The following PTPN13 variants were observed in gnomAD, a reference collection of about 807,000 sequenced individuals.
PTPN13 encodes the protein protein tyrosine phosphatase non-receptor type 13, also known as tyrosine-protein phosphatase non-receptor type 13.
A neutral mutation model predicts 284.0 loss-of-function variants in PTPN13; 191 were observed. The observed-to-expected ratio is 0.67, with a 90% CI of 0.60 to 0.76. PTPN13 has a LOEUF of 0.76. Among genes scored for constraint, PTPN13 ranks in the 30% least tolerant of loss-of-function variants. The probability of loss-of-function intolerance (pLI) is 0.00; values close to 1 mark genes in which losing one functional copy is unlikely to be tolerated. For synonymous variants in PTPN13, 986 were observed against 1,022.3 expected (o/e 0.96, Z 0.68); for missense variants, 2,797 against 2,939.9 (o/e 0.95, Z 1.12).
At chr4:86,666,313 T>TCAAGA (rs1727069625) in intron 2 of PTPN13, among the ~76,000 whole-genome samples, 3 of 150,898 alleles carry the variant, frequency 2.0e-5, no homozygotes, top group African/African-American at 7.3e-5. Context: ...TAGACTTGCA[T>TCAAGA]TAAGGACAGG....
rs376243918 is a variant in PTPN13, at chr4:86,784,516, A to G, written c.6076A>G (p.Thr2026Ala). The G allele has an allele frequency of 1.1e-5, 17 of 1,609,084 alleles. No individual in the cohort carries two copies. In the East Asian group the frequency reaches 1.1e-4, roughly 11 times the overall value. The change falls in exon 38 of 48, where the codon ACT becomes GCT. Residue 2026 changes from threonine to alanine, a missense_variant. By Grantham distance (58) the Thr-to-Ala change is moderately conservative (BLOSUM62 0). Coordinates refer to ENST00000411767, the MANE Select transcript of PTPN13 (RefSeq NM_080683.3). Reference sequence around the variant, plus strand: ...ATCGTACCCCAAAGGAAAATGTTCTACTTATCAGATAAAGGGATCACCAAA... The same window carrying G: ...ATCGTACCCCAAAGGAAAATGTTCTGCTTATCAGATAAAGGGATCACCAAA... The part of the protein sequence containing the change: ...EISYPKGKCS[T>A]YQIKGSPNLT...
chr4:86,721,384 G>A (rs1401453347), intron 9 of PTPN13, among the ~76,000 whole-genome samples: 1 of 152,040 alleles, frequency 6.6e-6, no homozygotes, highest in Non-Finnish European at 1.5e-5. Context: ...AGATACTGGA[G>A]ATAGAGTTGT....
chr4:86,807,276 C>G (rs1744758557), intron 44 of PTPN13, among the ~76,000 whole-genome samples: 1 of 151,772 alleles, frequency 6.6e-6, no homozygotes, highest in Admixed American at 6.6e-5. Flanking sequence ...CATTTATTAA[C>G]TTACTAATTT....
At chr4:86,811,535 G>A (rs1037560749) in intron 47 of PTPN13, among the ~76,000 whole-genome samples, 1 of 152,204 alleles carries the variant, frequency 6.6e-6, no homozygotes, top group Admixed American at 6.5e-5. Context: ...AGGCAGGCTG[G>A]AGTTGCTTAG....
At position 86,750,488 on chromosome 4, in the gene PTPN13, G is replaced by A; in HGVS notation, c.2669G>A (p.Ser890Asn). ...AQDIERASFR[S>N]LNLQAESVRG... is the part of the protein sequence containing the mutation. ...CTTGTAGAGAGAGCTTCGTTTAGGA[G>A]CCTGAATCTCCAAGCAGAGTCTGTT... Residue 890 changes from serine to asparagine, a missense_variant, in exon 18 of 48, where the codon AGC becomes AAC. Coordinates refer to ENST00000411767, the MANE Select transcript of PTPN13 (RefSeq NM_080683.3). The A allele has an allele frequency of 6.2e-7, 1 of 1,613,144 alleles. No individual in the cohort carries two copies. Among genetic ancestry groups the A allele is most frequent in the Non-Finnish European group, 8.5e-7 (1 of 1,179,502 alleles).
At chr4:86,717,001 A>AT (rs768941238) in intron 8 of PTPN13, 23 bp from the exon 9 acceptor site, 125 of 1,537,500 alleles carry the variant, frequency 8.1e-5, no homozygotes, top group Admixed American at 2.2e-4. Context: ...CTGTGCCATT[A>AT]TTTCTTTTTC....
At chr4:86,647,386 G>T (rs940278743) in intron 2 of PTPN13, among the ~76,000 whole-genome samples, 13 of 151,544 alleles carry the variant, frequency 8.6e-5, no homozygotes, top group African/African-American at 3.1e-4. Context: ...TGACTTTTTT[G>T]AGCCAAATGT....
At chr4:86,728,698 A>G (rs959244374) in intron 10 of PTPN13, among the ~76,000 whole-genome samples, 1 of 51,562 alleles carries the variant, frequency 1.9e-5, no homozygotes, top group African/African-American at 7.6e-5. Flanking sequence ...TGCTTGGTAG[A>G]TCTTCCTATG....
At chr4:86,796,452 T>C (rs1371684056) in intron 40 of PTPN13, among the ~76,000 whole-genome samples, 1 of 151,920 alleles carries the variant, frequency 6.6e-6, no homozygotes, top group Non-Finnish European at 1.5e-5. Flanking sequence ...CTGGGCAACA[T>C]AGTGAGATCC....
chr4:86,814,110 G>A (rs913893546), intron 47 of PTPN13, among the ~76,000 whole-genome samples: 1 of 147,032 alleles, frequency 6.8e-6, no homozygotes, highest in African/African-American at 2.5e-5. Flanking sequence ...TGTGTCAAGC[G>A]ATTCTCCTGC....
At chr4:86,649,870 C>A (rs976322853) in intron 2 of PTPN13, among the ~76,000 whole-genome samples, 2 of 152,174 alleles carry the variant, frequency 1.3e-5, no homozygotes, top group African/African-American at 4.8e-5. Context: ...TACAGACATG[C>A]ATCATGCTTG....
chr4:86,680,559 G>A (rs17419783), intron 3 of PTPN13, among the ~76,000 whole-genome samples: 4,905 of 152,040 alleles, frequency 0.032, 146 homozygotes, highest in Non-Finnish European at 0.05. Flanking sequence ...TCTTCTCTCG[G>A]ACTTTTGTCA....
chr4:86,745,547 C>T (rs1282275556), intron 17 of PTPN13, among the ~76,000 whole-genome samples: 5 of 151,990 alleles, frequency 3.3e-5, no homozygotes, highest in African/African-American at 1.2e-4. Flanking sequence ...GAGGCTGAGG[C>T]GGGTGGATCA....
At chr4:86,799,993 A>G (rs1743830136) in intron 42 of PTPN13, among the ~76,000 whole-genome samples, 1 of 151,604 alleles carries the variant, frequency 6.6e-6, no homozygotes, top group Admixed American at 6.6e-5. Flanking sequence ...GTGCGCCACC[A>G]TGCCTGGCTA....
At chr4:86,625,188 C>G (rs1384798619) in intron 1 of PTPN13, among the ~76,000 whole-genome samples, 1 of 152,112 alleles carries the variant, frequency 6.6e-6, no homozygotes, top group East Asian at 1.9e-4. Flanking sequence ...TATCTTGGAA[C>G]TTTCATGATC....
rs1257999558 is a variant in PTPN13 at position 86,750,328 on chromosome 4, G to A, written c.2651-142G>A. ...CTTCAACCCTCCTTTTTAAAACCCT[G>A]ATTGCCACACTTTGAAAGCTACCTA... is the stretch of plus-strand genomic sequence containing the variant. On this transcript the variant is annotated intron_variant, in intron 17 of 47. Transcript: ENST00000411767. 33 of 737,802 alleles carry A rather than the reference G, an allele frequency of 4.5e-5. No individual in the cohort carries two copies. In the Admixed American group the frequency reaches 8.8e-4, roughly 20 times the overall value. 45.7% of individuals were successfully genotyped at this position (737,802 alleles called of 1,614,324 possible).
chr4:86,669,551 G>A lies in PTPN13; in HGVS notation c.116-2814G>A, dbSNP rs146850387. Among the ~76,000 whole-genome samples the A allele has an allele frequency of 3.9e-3, 594 of 152,190 alleles. 3 individuals are homozygous for A. Among genetic ancestry groups the A allele is most frequent in the Middle Eastern group, 0.014 (4 of 294 alleles). Reference sequence around the variant, plus strand: ...AATTATCAGTTTACTGACCTTGGTTGTCCTGGTAAGTGAATAAATCTCTAC... The same window carrying A: ...AATTATCAGTTTACTGACCTTGGTTATCCTGGTAAGTGAATAAATCTCTAC... On this transcript the variant is annotated intron_variant, in intron 2 of 47. Transcript: ENST00000411767.
intron 33 of PTPN13, 104 bp from the exon 34 acceptor site, chr4:86,775,067 C>T (rs1022419464): frequency 5.0e-6 from 4 of 796,948 alleles, no homozygotes; most frequent in Non-Finnish European, 7.7e-6. Flanking sequence ...CTCTTACTAG[C>T]TAATATATAT....
chr4:86,729,460 G>A (rs1308207694), intron 10 of PTPN13, among the ~76,000 whole-genome samples: 1 of 149,510 alleles, frequency 6.7e-6, no homozygotes, highest in Non-Finnish European at 1.5e-5. Context: ...CATTTTCCCT[G>A]TCACTGTCAG....
Sources: gnomAD v4.1 joint callset for allele counts (sites outside exome capture counted in the v4.1 genomes callset) on GRCh38, gnomAD v4.1.1 for gene constraint, MANE v1.5 for transcripts, NCBI Gene and HGNC (gene_info 2026-07-23, HGNC 2026-07-21) for gene names.